TEK: variants seen among roughly 807,000 people sequenced by gnomAD.
TEK encodes TEK receptor tyrosine kinase, also known as angiopoietin-1 receptor.
In TEK, 43 loss-of-function variants were observed where a neutral mutation model predicts 131.8. The observed-to-expected ratio is 0.33, with a 90% CI of 0.26 to 0.42. The LOEUF is 0.42. TEK is among the 10% of genes least tolerant of loss of function. The pLI is 1.00. For missense variants in TEK, 1,162 were observed against 1,384.4 expected (o/e 0.84, Z 2.55); for synonymous variants, 580 against 491.6 (o/e 1.18, Z -2.38).
intron 2 of TEK, among the ~76,000 whole-genome samples, chr9:27,167,439 G>T (rs1823774387): frequency 6.6e-6 from 1 of 152,036 alleles, no homozygotes; most frequent in African/African-American, 2.4e-5. Context: ...TGTTGGCCAG[G>T]CTCGTCTCGA....
At chr9:27,219,705 T>TAAAA (rs10632334) in intron 20 of TEK, among the ~76,000 whole-genome samples, 2,264 of 152,070 alleles carry the variant, frequency 0.015, 31 homozygotes, top group African/African-American at 0.038. Flanking sequence ...ATATGAGTTA[T>TAAAA]AAAACTATGG....
chr9:27,184,030 A>T (rs1357924284), intron 8 of TEK, among the ~76,000 whole-genome samples: 2 of 152,178 alleles, frequency 1.3e-5, no homozygotes, highest in East Asian at 3.8e-4. Context: ...TACCAAGTGC[A>T]ACCAGGACAT....
intron 21 of TEK, among the ~76,000 whole-genome samples, chr9:27,224,549 T>C (rs1826228865): frequency 6.6e-6 from 1 of 152,078 alleles, no homozygotes; most frequent in Admixed American, 6.6e-5. Flanking sequence ...TTCAAGGAAA[T>C]TCAACACCCC....
At chr9:27,180,441 G>T in intron 7 of TEK, 73 bp downstream of exon 7, 2 of 1,561,686 alleles carry the variant, frequency 1.3e-6, no homozygotes, top group Middle Eastern at 1.7e-4. Flanking sequence ...TGTAATTCTT[G>T]TGCCGGCATT....
intron 1 of TEK, among the ~76,000 whole-genome samples, chr9:27,144,197 G>A (rs941129628): frequency 2.0e-5 from 3 of 152,078 alleles, no homozygotes; most frequent in Admixed American, 6.5e-5. Flanking sequence ...CATGAGAATC[G>A]CTTGAACCCA....
chr9:27,189,634 A>G (rs1824732367), intron 9 of TEK, among the ~76,000 whole-genome samples: 1 of 152,162 alleles, frequency 6.6e-6, no homozygotes, highest in Non-Finnish European at 1.5e-5. Context: ...GAGAAGGATC[A>G]GAGAGGCCTG....
chr9:27,157,257 T>C (rs73643157), intron 1 of TEK, among the ~76,000 whole-genome samples: 3,376 of 152,244 alleles, frequency 0.022, 140 homozygotes, highest in African/African-American at 0.077. Flanking sequence ...TTTTATCTTA[T>C]TTAATCTTTA....
intron 18 of TEK, 90 bp downstream of exon 18, chr9:27,213,687 G>A (rs2131230058): frequency 1.1e-6 from 1 of 952,282 alleles, no homozygotes; most frequent in East Asian, 2.5e-5. Flanking sequence ...GTGCTCTGTG[G>A]TGACTGAAGC....
rs1824465401 is a variant in TEK, at chr9:27,183,369, C to T, written c.1031-90C>T. ...ATATTTGCAAAGTTCTTGCCCGGTG[C>T]ATGACTTACTAAAGTAGCTATTTTT... On this transcript the variant is annotated intron_variant, in intron 7 of 22. Transcript: ENST00000380036. 3.5e-6 allele frequency: 5 copies of T among 1,415,158 alleles called. No homozygotes were observed. In the African/African-American group the frequency reaches 4.2e-5, roughly 12 times the overall value. 87.7% of individuals were successfully genotyped at this position (1,415,158 alleles called of 1,614,324 possible).
intron 22 of TEK, among the ~76,000 whole-genome samples, chr9:27,228,511 C>G (rs1041847198): frequency 1.5e-4 from 23 of 152,100 alleles, no homozygotes; most frequent in Admixed American, 2.0e-4. Flanking sequence ...GATACAGTCA[C>G]GTACACACTA....
intron 1 of TEK, among the ~76,000 whole-genome samples, chr9:27,137,456 C>G (rs79128659): frequency 1.1e-4 from 4 of 37,026 alleles, no homozygotes; most frequent in Non-Finnish European, 1.4e-4. Flanking sequence ...ATTCTACTAG[C>G]TTAAAAGAAT....
intron 9 of TEK, among the ~76,000 whole-genome samples, chr9:27,186,400 A>C (rs939540646): frequency 2.2e-4 from 33 of 152,222 alleles, no homozygotes; most frequent in African/African-American, 7.7e-4. Flanking sequence ...TACTAGGCTA[A>C]GATTACTTGT....
intron 1 of TEK, among the ~76,000 whole-genome samples, chr9:27,137,851 A>C (rs951237490): frequency 2.0e-5 from 3 of 151,846 alleles, no homozygotes; most frequent in African/African-American, 4.8e-5. Context: ...TTGTGTCCGG[A>C]ATTTATTCAT....
At chr9:27,206,472 A>T in intron 14 of TEK, 110 bp from the exon 15 acceptor site, 2 of 1,207,182 alleles carry the variant, frequency 1.7e-6, no homozygotes, top group Non-Finnish European at 2.4e-6. Context: ...GTCTAGAATT[A>T]AATACAGTAT....
intron 12 of TEK, among the ~76,000 whole-genome samples, chr9:27,201,311 A>G (rs1026884327): frequency 6.6e-6 from 1 of 152,212 alleles, no homozygotes. Context: ...TTTTCTAACA[A>G]GCTTCTAAAA....
At chr9:27,223,648 G>A (rs1419865069) in intron 21 of TEK, among the ~76,000 whole-genome samples, 1 of 152,238 alleles carries the variant, frequency 6.6e-6, no homozygotes, top group South Asian at 2.1e-4. Flanking sequence ...AGCTCTAAAT[G>A]CCCACAGGAG....
intron 2 of TEK, among the ~76,000 whole-genome samples, chr9:27,162,288 A>G (rs1037964886): frequency 8.5e-5 from 13 of 152,220 alleles, no homozygotes; most frequent in African/African-American, 3.1e-4. Flanking sequence ...TGACTCGTAC[A>G]TCTGTGGAGG....
In TEK at chr9:27,157,935, G is replaced by A; in HGVS notation, c.157G>A (p.Glu53Lys). ...TCIASGWRPHEPITIGRDFEA... is the reference protein window; with the variant it reads ...TCIASGWRPHKPITIGRDFEA... Reference sequence around the variant, plus strand: ...CATTGCCTCTGGGTGGCGCCCCCATGAGCCCATCACCATAGGAAGGGACTT... The same window carrying A: ...CATTGCCTCTGGGTGGCGCCCCCATAAGCCCATCACCATAGGAAGGGACTT... The change falls in exon 2 of 23, where the codon GAG becomes AAG. Residue 53 changes from glutamate to lysine, a missense_variant. Around this residue, in one of 6 missense-constraint regions of TEK, gnomAD observed 436 missense variants for 539.1 expected, o/e 0.81. Transcript: ENST00000380036. 1 of 1,613,880 alleles carries A rather than the reference G, an allele frequency of 6.2e-7. No homozygotes were observed. Among genetic ancestry groups the A allele is most frequent in the Non-Finnish European group, 8.5e-7 (1 of 1,179,978 alleles).
rs59569720 is a variant in TEK at position 27,140,396 on chromosome 9, GAA to G, written c.53-17418_53-17417del. On this transcript the variant is annotated intron_variant, in intron 1 of 22. Coordinates refer to ENST00000380036, the MANE Select transcript of TEK (RefSeq NM_000459.5). ...TTGTGAAACTTACATTAGCAAAAAA[GAA>G]AAAAAAAAAAAAAAAAGAAACATTA... Among the ~76,000 whole-genome samples, 125 of 113,390 alleles carry G rather than the reference GAA, an allele frequency of 1.1e-3. 1 individual carries two copies. The highest frequency in any genetic ancestry group is 1.6e-3 in the African/African-American group (51 of 32,766). The allele number at this position is 113,390 out of a possible 152,430, so 74.4% of individuals were successfully genotyped here.
Sources: gnomAD v4.1 joint callset for allele counts (sites outside exome capture counted in the v4.1 genomes callset) on GRCh38, gnomAD v4.1.1 for gene constraint, gnomAD v4.1.1 regional missense constraint, MANE v1.5 for transcripts, NCBI Gene and HGNC (gene_info 2026-07-23, HGNC 2026-07-21) for gene names.